ROBO2: variants seen among roughly 807,000 people sequenced by gnomAD.
ROBO2 encodes the protein roundabout guidance receptor 2.
A neutral mutation model predicts 160.8 loss-of-function variants in ROBO2; 53 were observed. The observed-to-expected ratio is 0.33, with a 90% CI of 0.26 to 0.41. The LOEUF is 0.41. Among genes scored for constraint, ROBO2 ranks in the 10% least tolerant of loss-of-function variants. The probability of loss-of-function intolerance (pLI) is 1.00; values close to 1 mark genes in which losing one functional copy is unlikely to be tolerated. For synonymous variants in ROBO2, 664 were observed against 611.7 expected (o/e 1.09, Z -1.26); for missense variants, 1,577 against 1,722.4 (o/e 0.92, Z 1.49).
intron 2 of ROBO2, among the ~76,000 whole-genome samples, chr3:77,133,875 C>T (rs769467779): frequency 6.6e-6 from 1 of 152,096 alleles, no homozygotes; most frequent in Non-Finnish European, 1.5e-5. Flanking sequence ...TGATGATGCT[C>T]ATATATTTTC....
chr3:76,593,626 A>G (rs1026999428), intron 2 of ROBO2, among the ~76,000 whole-genome samples: 3 of 152,180 alleles, frequency 2.0e-5, no homozygotes, highest in Non-Finnish European at 4.4e-5. Context: ...AGAATTAAAT[A>G]TTTAGATATT....
chr3:76,020,970 C>G (rs1489783436), intron 2 of ROBO2, among the ~76,000 whole-genome samples: 2 of 151,852 alleles, frequency 1.3e-5, no homozygotes, highest in Non-Finnish European at 2.9e-5. Context: ...CTTGCACCCA[C>G]ATCCTTTACT....
chr3:77,369,853 C>G (rs2071477675), intron 2 of ROBO2, among the ~76,000 whole-genome samples: 1 of 152,098 alleles, frequency 6.6e-6, no homozygotes, highest in Non-Finnish European at 1.5e-5. Context: ...GAAAATATGG[C>G]CATCTATAGT....
intron 2 of ROBO2, among the ~76,000 whole-genome samples, chr3:76,239,086 C>T (rs1298469180): frequency 6.6e-6 from 1 of 152,142 alleles, no homozygotes; most frequent in African/African-American, 2.4e-5. Flanking sequence ...TATGTTTTAA[C>T]AAGACTGCCA....
At chr3:77,430,984 G>A (rs1449124317) in intron 2 of ROBO2, among the ~76,000 whole-genome samples, 2 of 152,064 alleles carry the variant, frequency 1.3e-5, no homozygotes, top group East Asian at 1.9e-4. Context: ...TCTTTTCCCA[G>A]TAAGTTTATT....
intron 1 of ROBO2, among the ~76,000 whole-genome samples, chr3:77,053,891 A>G (rs2065458899): frequency 6.6e-6 from 1 of 152,172 alleles, no homozygotes; most frequent in African/African-American, 2.4e-5. Flanking sequence ...CAAGGAGAGA[A>G]TGTGATTTAG....
At chr3:77,338,842 T>A (rs1057148416) in intron 2 of ROBO2, among the ~76,000 whole-genome samples, 3 of 152,166 alleles carry the variant, frequency 2.0e-5, no homozygotes, top group Non-Finnish European at 1.5e-5. Flanking sequence ...TTGAAATAAT[T>A]GTTTGAGTTT....
At chr3:77,138,110 A>G (rs2076419938) in intron 2 of ROBO2, among the ~76,000 whole-genome samples, 3 of 152,160 alleles carry the variant, frequency 2.0e-5, no homozygotes, top group Non-Finnish European at 4.4e-5. Flanking sequence ...TAGCTTTTAT[A>G]ATAAGGGTTG....
intron 2 of ROBO2, among the ~76,000 whole-genome samples, chr3:76,814,354 TCC>T (rs2065479944): frequency 6.6e-6 from 1 of 152,106 alleles, no homozygotes; most frequent in Non-Finnish European, 1.5e-5. Flanking sequence ...GTTACAACTA[TCC>T]CTTTTCTCTT....
At chr3:77,454,196 T>C (rs2153565017) in intron 2 of ROBO2, among the ~76,000 whole-genome samples, 1 of 152,216 alleles carries the variant, frequency 6.6e-6, no homozygotes, top group Non-Finnish European at 1.5e-5. Flanking sequence ...TTAAATCTTG[T>C]CTGGGACACT....
chr3:76,096,146 A>G (rs2069444439), intron 2 of ROBO2, among the ~76,000 whole-genome samples: 1 of 152,146 alleles, frequency 6.6e-6, no homozygotes, highest in Admixed American at 6.6e-5. Context: ...TCATGTTCTG[A>G]GAATCCTGTG....
chr3:77,481,773 A>G (rs2084724172), intron 4 of ROBO2, among the ~76,000 whole-genome samples: 1 of 152,196 alleles, frequency 6.6e-6, no homozygotes, highest in Non-Finnish European at 1.5e-5. Flanking sequence ...TTTAAGAACC[A>G]AGGCTCTCCT....
At chr3:77,011,683 G>A (rs1215720893) in intron 2 of ROBO2, among the ~76,000 whole-genome samples, 2 of 152,018 alleles carry the variant, frequency 1.3e-5, no homozygotes, top group Non-Finnish European at 1.5e-5. Flanking sequence ...TTTCAGGCCT[G>A]AGTGGTAAGA....
chr3:77,026,646 C>T (rs922400134), intron 2 of ROBO2, among the ~76,000 whole-genome samples: 4 of 152,158 alleles, frequency 2.6e-5, no homozygotes, highest in African/African-American at 9.7e-5. Flanking sequence ...AAATAAGTAA[C>T]AGAATGTTCC....
At chr3:76,024,830 A>G (rs184369975) in intron 2 of ROBO2, among the ~76,000 whole-genome samples, 4 of 151,610 alleles carry the variant, frequency 2.6e-5, no homozygotes, top group East Asian at 1.9e-4. Flanking sequence ...CTATGTCTTG[A>G]TATGACCACT....
At chr3:77,087,738 ATG>A (rs1466895789) in intron 1 of ROBO2, among the ~76,000 whole-genome samples, 1 of 150,654 alleles carries the variant, frequency 6.6e-6, no homozygotes, top group South Asian at 2.1e-4. Flanking sequence ...ATATACATAT[ATG>A]TGTGTGTACA....
At chr3:77,085,819 T>C (rs549691938) in intron 1 of ROBO2, among the ~76,000 whole-genome samples, 2 of 152,210 alleles carry the variant, frequency 1.3e-5, no homozygotes, top group South Asian at 2.1e-4. Flanking sequence ...CTAGGAAAAG[T>C]TATTGCTTTA....
intron 2 of ROBO2, among the ~76,000 whole-genome samples, chr3:76,342,989 A>G (rs2074320609): frequency 6.6e-6 from 1 of 152,106 alleles, no homozygotes; most frequent in South Asian, 2.1e-4. Context: ...TTGCATTATA[A>G]ATGTTGATAG....
In ROBO2 at chr3:77,006,097, G is replaced by A. The variant is rs150621880; in HGVS notation, c.110-91917G>A. On this transcript the variant is annotated intron_variant, in intron 2 of 26. Coordinates refer to the ROBO2 transcript ENST00000487694. ...CCAGTTAATCTTTACCACATAAAGG[G>A]TAAAGACAGTCACTTCTATAGTCAT... Among the ~76,000 whole-genome samples, 807 of 151,916 alleles carry A rather than the reference G, an allele frequency of 5.3e-3. 11 individuals are homozygous for A. Among genetic ancestry groups the A allele is most frequent in the African/African-American group, 0.018 (738 of 41,442 alleles).
Sources: allele counts gnomAD v4.1 joint callset (sites outside exome capture counted in the v4.1 genomes callset), GRCh38; gene constraint gnomAD v4.1.1; transcripts MANE v1.5; gene names NCBI Gene and HGNC (gene_info 2026-07-23, HGNC 2026-07-21).